The following EVA1A variants were observed in gnomAD, a reference collection of about 807,000 sequenced individuals.
The protein encoded by EVA1A is eva-1 homolog A, regulator of programmed cell death.
In EVA1A, 7 loss-of-function variants were observed where a neutral mutation model predicts 9.8. That is an observed-to-expected ratio of 0.71 (90% CI 0.41 to 1.34). EVA1A has a LOEUF of 1.34. Ranked by LOEUF, EVA1A falls within the 40% of genes most tolerant of loss-of-function variation. EVA1A has a pLI of 0.01. For synonymous variants in EVA1A, 90 were observed against 85.6 expected, an observed-to-expected ratio of 1.05 and a Z score of -0.28; for missense variants, 206 against 205.9, an observed-to-expected ratio of 1.00 and a Z score of 0.00.
intron 1 of EVA1A, among the ~76,000 whole-genome samples, chr2:75,532,450 C>A (rs1172544272): frequency 6.6e-6 from 1 of 151,934 alleles, no homozygotes; most frequent in Non-Finnish European, 1.5e-5. Flanking sequence ...ACATTCCACA[C>A]AGTAAAAAAA....
intron 3 of EVA1A, among the ~76,000 whole-genome samples, chr2:75,505,163 T>G (rs1244570027): frequency 1.3e-5 from 2 of 152,188 alleles, no homozygotes; most frequent in Non-Finnish European, 2.9e-5. Flanking sequence ...CCATCCAGCA[T>G]TACCACTGCT....
At chr2:75,538,572 CA>C (rs1479802675) in intron 1 of EVA1A, among the ~76,000 whole-genome samples, 1 of 152,084 alleles carries the variant, frequency 6.6e-6, no homozygotes. Flanking sequence ...TGCAATAGCC[CA>C]AAACTGGAAA....
chr2:75,552,046 T>A (rs1676543421), intron 1 of EVA1A, among the ~76,000 whole-genome samples: 1 of 152,136 alleles, frequency 6.6e-6, no homozygotes. Flanking sequence ...CTGGACATAG[T>A]GGCATATAAC....
At position 75,555,336 on chromosome 2, in the gene EVA1A, T is replaced by TCTCTCTCTCTCTCC. The variant is rs766586263; in HGVS notation, c.-192+5343_-192+5344insGGAGAGAGAGAGAG. On this transcript the variant is annotated intron_variant, in intron 1 of 3. Coordinates refer to ENST00000393913, the MANE Select transcript of EVA1A (RefSeq NM_001135032.2). ...CTCTCTCTCTCTCTCTCTCTCTCTC[T>TCTCTCTCTCTCTCC]CCCCCATCTCCCCTTCTTTCCCTCT... is the stretch of plus-strand genomic sequence containing the variant. Among the ~76,000 whole-genome samples the TCTCTCTCTCTCTCC allele has an allele frequency of 3.6e-3, 365 of 102,546 alleles. 22 individuals carry two copies. The highest frequency in any genetic ancestry group is 5.6e-3 in the Middle Eastern group (1 of 180). 67.3% of individuals were successfully genotyped at this position (102,546 alleles called of 152,430 possible).
At chr2:75,509,934 G>A (rs947446446) in intron 3 of EVA1A, among the ~76,000 whole-genome samples, 1 of 151,782 alleles carries the variant, frequency 6.6e-6, no homozygotes, top group East Asian at 1.9e-4. Flanking sequence ...GTGGGGGGTG[G>A]GAAATGGTTT....
At chr2:75,565,060 C>T (rs1391105190), upstream of EVA1A, among the ~76,000 whole-genome samples, 1 of 152,190 alleles carries the variant, frequency 6.6e-6, no homozygotes, top group Non-Finnish European at 1.5e-5. Context: ...GATATGTCCT[C>T]ACCCAAAATC....
At chr2:75,537,155 G>C (rs544410274) in intron 1 of EVA1A, among the ~76,000 whole-genome samples, 1 of 152,162 alleles carries the variant, frequency 6.6e-6, no homozygotes, top group South Asian at 2.1e-4. Context: ...TTTCAAGAAT[G>C]CAAGGCTTAT....
intron 3 of EVA1A, 34 bp from the exon 4 acceptor site, chr2:75,493,643 G>C: frequency 6.5e-7 from 1 of 1,538,568 alleles, no homozygotes; most frequent in Non-Finnish European, 8.8e-7. Context: ...AAGCATTTGA[G>C]AGATGACAAC....
upstream of EVA1A, among the ~76,000 whole-genome samples, chr2:75,563,223 C>A (rs1356001787): frequency 1.3e-5 from 2 of 152,200 alleles, no homozygotes; most frequent in African/African-American, 4.8e-5. Flanking sequence ...ACTAGAGCTG[C>A]CATCTAGATT....
At chr2:75,552,251 A>T (rs1676552365) in intron 1 of EVA1A, among the ~76,000 whole-genome samples, 1 of 152,164 alleles carries the variant, frequency 6.6e-6, no homozygotes, top group Admixed American at 6.5e-5. Context: ...TCAAACCTAG[A>T]AAACATCTGC....
chr2:75,559,699 G>GA lies in EVA1A; in HGVS notation c.-192+980_-192+981insT, dbSNP rs1196524061. Among the ~76,000 whole-genome samples, 300 of 122,196 alleles carry GA rather than the reference G, an allele frequency of 2.5e-3. 7 individuals are homozygous for GA. Among genetic ancestry groups the GA allele is most frequent in the African/African-American group, 8.7e-3 (271 of 31,136 alleles). The allele number at this position is 122,196 out of a possible 152,430, so 80.2% of individuals were successfully genotyped here. ...CCCTTGTACTATGAGAAAGGAGGTG[G>GA]GGGGGGGGCGGGGGAGTTGGGGGGA... On this transcript the variant is annotated intron_variant, in intron 1 of 3. Coordinates refer to ENST00000393913, the MANE Select transcript of EVA1A (RefSeq NM_001135032.2).
At position 75,508,207 on chromosome 2, in the gene EVA1A, C is replaced by G. The variant is rs1674684766; in HGVS notation, c.85+9849G>C. Among the ~76,000 whole-genome samples the G allele has an allele frequency of 2.0e-5, 3 of 152,148 alleles. No homozygotes were observed. The South Asian group carries it at 6.2e-4, about 32-fold the overall frequency. ...TTTGAGCAATATGAAATCTGGGCAC[C>G]TTGAAAAAAGAACAGGATAACAGCA... On this transcript the variant is annotated intron_variant, in intron 3 of 3. Coordinates refer to ENST00000393913, the MANE Select transcript of EVA1A (RefSeq NM_001135032.2).
chr2:75,553,387 G>A (rs1226188218), intron 1 of EVA1A, among the ~76,000 whole-genome samples: 2 of 152,242 alleles, frequency 1.3e-5, no homozygotes, highest in Non-Finnish European at 2.9e-5. Flanking sequence ...GAATCAACAA[G>A]ACATATGTCC....
At chr2:75,532,538 T>C (rs1675703505) in intron 1 of EVA1A, among the ~76,000 whole-genome samples, 1 of 151,916 alleles carries the variant, frequency 6.6e-6, no homozygotes, top group Non-Finnish European at 1.5e-5. Flanking sequence ...AAACAATGAG[T>C]GATCTGAAAG....
rs750530533 is a variant in EVA1A, at chr2:75,518,186, G to A, written c.-46C>T. The A allele has an allele frequency of 8.7e-5, 140 of 1,604,564 alleles. No individual in the cohort carries two copies. The highest frequency in any genetic ancestry group is 1.1e-4 in the Non-Finnish European group (128 of 1,176,582). On this transcript the variant is annotated 5_prime_UTR_variant, in exon 3 of 4. The change creates a new upstream start codon in the 5' untranslated region. Transcript: ENST00000393913. The stretch of plus-strand genomic sequence containing the variant: ...CCTGGAGGTGCTTGGCTGAATCAAC[G>A]TGGCCACTCTCCTTCTTCTCTTCTG...
upstream of EVA1A, chr2:75,561,328 T>G (rs1192785255): frequency 2.0e-5 from 3 of 151,290 alleles, no homozygotes; most frequent in Non-Finnish European, 4.4e-5. Flanking sequence ...ATTCAGCTAC[T>G]CAACTCAGAC....
In EVA1A at chr2:75,501,024, C is replaced by CAAAAA. The variant is rs78473697; in HGVS notation, c.86-7420_86-7416dup. On this transcript the variant is annotated intron_variant, in intron 3 of 3. Transcript: ENST00000393913. Reference sequence around the variant, plus strand: ...CCTATTATTTACCTTATTACTTTTACAAAAAAAAAAAAAAGAGGGCACTCA... The same window carrying CAAAAA: ...CCTATTATTTACCTTATTACTTTTACAAAAAAAAAAAAAAAAAAAGAGGGCACTCA... Among the ~76,000 whole-genome samples, 142 of 131,594 alleles carry CAAAAA rather than the reference C, an allele frequency of 1.1e-3. 2 individuals carry two copies. Among genetic ancestry groups the CAAAAA allele is most frequent in the African/African-American group, 3.7e-3 (140 of 37,518 alleles). 86.3% of individuals were successfully genotyped at this position (131,594 alleles called of 152,430 possible).
chr2:75,523,900 T>C (rs1558680670), intron 1 of EVA1A, among the ~76,000 whole-genome samples: 1 of 152,142 alleles, frequency 6.6e-6, no homozygotes, highest in African/African-American at 2.4e-5. Context: ...CACTGAAATC[T>C]CATCTTGTAA....
At chr2:75,532,551 A>G (rs967831672) in intron 1 of EVA1A, among the ~76,000 whole-genome samples, 3 of 152,220 alleles carry the variant, frequency 2.0e-5, no homozygotes, top group Admixed American at 2.0e-4. Flanking sequence ...TCTGAAAGAC[A>G]GAATGATAGA....
Sources: allele counts gnomAD v4.1 joint callset (sites outside exome capture counted in the v4.1 genomes callset), GRCh38; gene constraint gnomAD v4.1.1; transcripts MANE v1.5; gene names NCBI Gene and HGNC (gene_info 2026-07-23, HGNC 2026-07-21).